FBLN1: variants seen among roughly 807,000 people sequenced by gnomAD.
FBLN1 encodes fibulin 1.
Under a neutral mutation model 89.7 loss-of-function variants are expected in FBLN1, and 34 were observed. That is an observed-to-expected ratio of 0.38 (90% CI 0.29 to 0.50). The LOEUF (loss-of-function observed/expected upper bound fraction) is 0.50. Ranked by LOEUF, FBLN1 falls within the 20% of genes least tolerant of loss-of-function variation. The probability of loss-of-function intolerance (pLI) is 0.92; values close to 1 mark genes in which losing one functional copy is unlikely to be tolerated. For synonymous variants in FBLN1, 393 were observed against 391.3 expected (o/e 1.00, Z -0.05); for missense variants, 777 against 988.1 (o/e 0.79, Z 2.86).
At chr22:45,591,608 C>T (rs2089136980) in intron 16 of FBLN1, among the ~76,000 whole-genome samples, 1 of 152,118 alleles carries the variant, frequency 6.6e-6, no homozygotes, top group Non-Finnish European at 1.5e-5. Flanking sequence ...GACACCTGTC[C>T]CCCTTGCTTC....
In FBLN1 at chr22:45,578,255, G is replaced by A. The variant is rs966589744; in HGVS notation, c.1972+1147G>A. 3.3e-5 allele frequency: 5 copies of A among 152,228 alleles called. No homozygotes were observed. The East Asian group carries it at 9.6e-4, about 29-fold the overall frequency. The allele number at this position is 152,228 out of a possible 1,614,324, so 9.4% of individuals were successfully genotyped here. On this transcript the variant is annotated intron_variant, in intron 16 of 16. Coordinates refer to ENST00000327858, the MANE Select transcript of FBLN1 (RefSeq NM_006486.3). This position sits in a 1 kb window ranked among gnomAD's most constrained non-coding sequence, Gnocchi z 4.6. ...CCGACGGTTGTTAAAACTGGCAGCT[G>A]GAGAAAGGGAATCGTTATTCCCGTC... is the stretch of plus-strand genomic sequence containing the variant.
At position 45,557,889 on chromosome 22, in the gene FBLN1, A is replaced by G. The variant is rs1290075320; in HGVS notation, c.1697+7274A>G. ...ATCTGGTCATTTCTCCTTCCATGCA[A>G]AGTGCACAACCAGGTGCATTGCTTG... On this transcript the variant is annotated intron_variant, in intron 14 of 16. Coordinates refer to ENST00000327858, the MANE Select transcript of FBLN1 (RefSeq NM_006486.3). The surrounding 1 kb of genome is among the most constrained non-coding windows in gnomAD (Gnocchi z 4.9). Among the ~76,000 whole-genome samples the G allele has an allele frequency of 6.6e-6, 1 of 152,224 alleles. No homozygotes were observed. Among genetic ancestry groups the G allele is most frequent in the African/African-American group, 2.4e-5 (1 of 41,450 alleles).
At chr22:45,592,400 C>G (rs144040954) in intron 16 of FBLN1, among the ~76,000 whole-genome samples, 1,697 of 152,198 alleles carry the variant, frequency 0.011, 23 homozygotes, top group Non-Finnish European at 0.015. Flanking sequence ...GATCTCGGCT[C>G]ACTGCAACCT....
intron 16 of FBLN1, among the ~76,000 whole-genome samples, chr22:45,585,461 T>G (rs1320230747): frequency 6.6e-6 from 1 of 152,216 alleles, no homozygotes; most frequent in Non-Finnish European, 1.5e-5. Context: ...CAGTACACAT[T>G]ACAAATGAGA....
chr22:45,516,187 C>G (rs75151520), intron 1 of FBLN1, among the ~76,000 whole-genome samples: 3 of 151,650 alleles, frequency 2.0e-5, no homozygotes, highest in African/African-American at 7.3e-5. Flanking sequence ...GTGGAAGACA[C>G]GAGGGTGAAA....
chr22:45,555,248 C>CATATAT lies in FBLN1; in HGVS notation c.1697+4645_1697+4650dup, dbSNP rs71779159. Among the ~76,000 whole-genome samples the CATATAT allele has an allele frequency of 1.6e-3, 222 of 135,096 alleles. 4 individuals are homozygous for CATATAT. Among genetic ancestry groups the CATATAT allele is most frequent in the African/African-American group, 6.2e-3 (194 of 31,492 alleles). The allele number at this position is 135,096 out of a possible 152,430, so 88.6% of individuals were successfully genotyped here. A position where few individuals can be genotyped will look rare whatever the true frequency, so the allele number is the denominator to read the frequency against. The stretch of plus-strand genomic sequence containing the variant: ...AGAGGGACAGAACTAATGGAATATA[C>CATATAT]ATATATATATATATATAAAATGGAA... On this transcript the variant is annotated intron_variant, in intron 14 of 16. Transcript: ENST00000327858.
chr22:45,518,648 A>G lies in FBLN1; in HGVS notation c.80-34A>G, dbSNP rs187027770. The stretch of plus-strand genomic sequence containing the variant: ...AGGGCCCTCCACCCGCTGAGTGGTG[A>G]GCCACCTCTCAGCTTGTTCTCTTCC... On this transcript the variant is annotated intron_variant, in intron 1 of 16. Coordinates refer to ENST00000327858, the MANE Select transcript of FBLN1 (RefSeq NM_006486.3). The G allele has an allele frequency of 2.8e-4, 425 of 1,500,094 alleles. 2 individuals are homozygous for G. The African/African-American group carries it at 5.5e-3, about 19-fold the overall frequency. 92.9% of individuals were successfully genotyped at this position (1,500,094 alleles called of 1,614,324 possible). A position where few individuals can be genotyped will look rare whatever the true frequency, so the allele number is the denominator to read the frequency against.
At chr22:45,523,054 A>G (rs2088271729) in intron 2 of FBLN1, 4 of 704,424 alleles carry the variant, frequency 5.7e-6, no homozygotes, top group Non-Finnish European at 8.1e-6. Flanking sequence ...ACAGGGAGGC[A>G]TAGGGGCTTC....
intron 1 of FBLN1, among the ~76,000 whole-genome samples, chr22:45,518,399 C>G (rs527557336): frequency 6.6e-6 from 1 of 152,260 alleles, no homozygotes; most frequent in South Asian, 2.1e-4. Context: ...GAGCAGGGAT[C>G]CATGTGTGCT....
In FBLN1 at chr22:45,525,825, G is replaced by A. The variant is rs560957603; in HGVS notation, c.321+147G>A. On this transcript the variant is annotated intron_variant, in intron 3 of 16. Transcript: ENST00000327858. ...CAGCTGGGGGTTCCTGGGCCAGGAG[G>A]GAGGTGGAAAACCCCACTGTTTCTC... 34 of 1,133,762 alleles carry A rather than the reference G, an allele frequency of 3.0e-5. No homozygotes were observed. In the African/African-American group the frequency reaches 4.9e-4, roughly 16 times the overall value. The allele number at this position is 1,133,762 out of a possible 1,614,324, so 70.2% of individuals were successfully genotyped here.
Position 45,550,940 on chromosome 22 carries a change from TCATCTGTAA to T in FBLN1, c.1697+329_1697+337del. 1 of 429,412 alleles carries T rather than the reference TCATCTGTAA, an allele frequency of 2.3e-6. No homozygotes were observed. The highest frequency in any genetic ancestry group is 2.1e-5 in the South Asian group (1 of 46,758). 26.6% of individuals were successfully genotyped at this position (429,412 alleles called of 1,614,324 possible). On this transcript the variant is annotated intron_variant, in intron 14 of 16. Transcript: ENST00000327858. The surrounding 1 kb of genome is among the most constrained non-coding windows in gnomAD (Gnocchi z 8.4). Reference sequence around the variant, plus strand: ...GCAAGCTCTCTGGGCCTCAGTTTCCTCATCTGTAACATGCAGATGTCAGAACGTGCTCTG... The same window carrying T: ...GCAAGCTCTCTGGGCCTCAGTTTCCTCATGCAGATGTCAGAACGTGCTCTG...
rs1422769683 is a variant in FBLN1 at position 45,576,919 on chromosome 22, T to C, written c.1841-58T>C. On this transcript the variant is annotated intron_variant, in intron 15 of 16. Coordinates refer to ENST00000327858, the MANE Select transcript of FBLN1 (RefSeq NM_006486.3). This position sits in a 1 kb window ranked among gnomAD's most constrained non-coding sequence, Gnocchi z 5.2. ...AAGGGTGAGTTCCTGGGGACGAGGC[T>C]GGGACTGGGGCTGGGGCCAGGCTGT... 70 of 1,608,038 alleles carry C rather than the reference T, an allele frequency of 4.4e-5. No homozygotes were observed. Among genetic ancestry groups the C allele is most frequent in the Admixed American group, 3.8e-4 (23 of 59,928 alleles).
At position 45,545,726 on chromosome 22, in the gene FBLN1, G is replaced by A. The variant is rs1010448337; in HGVS notation, c.1322-1359G>A. Among the ~76,000 whole-genome samples the A allele has an allele frequency of 1.3e-5, 2 of 152,126 alleles. No homozygotes were observed. The highest frequency in any genetic ancestry group is 6.6e-5 in the Admixed American group (1 of 15,264). On this transcript the variant is annotated intron_variant, in intron 11 of 16. Coordinates refer to ENST00000327858, the MANE Select transcript of FBLN1 (RefSeq NM_006486.3). This position sits in a 1 kb window ranked among gnomAD's most constrained non-coding sequence, Gnocchi z 5.9. The stretch of plus-strand genomic sequence containing the variant: ...TGGGGGCCACAGAGATGAAACACGG[G>A]GTGGAAGGCTATTGGACGTTCTGTG...
intron 14 of FBLN1, among the ~76,000 whole-genome samples, chr22:45,568,995 CTCT>C (rs1421965522): frequency 2.0e-5 from 3 of 152,202 alleles, no homozygotes; most frequent in Admixed American, 2.0e-4. Context: ...TCACATAGCC[CTCT>C]TCTTATAAGG....
intron 12 of FBLN1, 27 bp downstream of exon 12, chr22:45,547,231 G>T (rs1324320462): frequency 6.2e-7 from 1 of 1,612,204 alleles, no homozygotes; most frequent in Non-Finnish European, 8.5e-7. Context: ...CTGCTGAGGG[G>T]GAAAGCACCC....
In FBLN1 at chr22:45,590,667, G is replaced by A. The variant is rs1304109413; in HGVS notation, c.1973-9640G>A. Among the ~76,000 whole-genome samples the A allele has an allele frequency of 6.6e-6, 1 of 152,170 alleles. No homozygotes were observed. Among genetic ancestry groups the A allele is most frequent in the East Asian group, 1.9e-4 (1 of 5,178 alleles). ...AACTGAGGCCAGGTGGGGTTGTGGGGAGAGAAGGGAGGAGAGTCTGGAGAC... is the reference window on the plus strand; with the variant it reads ...AACTGAGGCCAGGTGGGGTTGTGGGAAGAGAAGGGAGGAGAGTCTGGAGAC... On this transcript the variant is annotated intron_variant, in intron 16 of 16. Transcript: ENST00000327858. This position sits in a 1 kb window ranked among gnomAD's most constrained non-coding sequence, Gnocchi z 4.1.
At position 45,563,031 on chromosome 22, in the gene FBLN1, TGG is replaced by T. The variant is rs2088867324; in HGVS notation, c.1698-11478_1698-11477del. On this transcript the variant is annotated intron_variant, in intron 14 of 16. Coordinates refer to ENST00000327858, the MANE Select transcript of FBLN1 (RefSeq NM_006486.3). This position sits in a 1 kb window ranked among gnomAD's most constrained non-coding sequence, Gnocchi z 5.7. ...CAAGCGCCCGCGGTGGTTTTCCGCA[TGG>T]GCCCCTCCAGTGCTGTCCCCGGGGA... 6.2e-7 allele frequency: 1 copy of T among 1,613,302 alleles called. No individual in the cohort carries two copies. The highest frequency in any genetic ancestry group is 8.5e-7 in the Non-Finnish European group (1 of 1,179,980).
chr22:45,503,786 A>G (rs911007272), intron 1 of FBLN1, among the ~76,000 whole-genome samples: 6 of 151,966 alleles, frequency 3.9e-5, no homozygotes, highest in South Asian at 2.1e-4. Flanking sequence ...GGCAAGGGGG[A>G]TGGAGTTTTC....
chr22:45,598,991 G>GC (rs2089208961), intron 16 of FBLN1, among the ~76,000 whole-genome samples: 1 of 152,238 alleles, frequency 6.6e-6, no homozygotes, highest in Non-Finnish European at 1.5e-5. Flanking sequence ...TGGGTGCCCT[G>GC]CAGAGGGAAG....
Sources: gnomAD v4.1 joint callset for allele counts (sites outside exome capture counted in the v4.1 genomes callset) on GRCh38, gnomAD v4.1.1 for gene constraint, Gnocchi (gnomAD v3.1) non-coding constraint, MANE v1.5 for transcripts, NCBI Gene and HGNC (gene_info 2026-07-23, HGNC 2026-07-21) for gene names.